RPS6KA6: variants seen among roughly 807,000 people sequenced by gnomAD.
RPS6KA6 encodes the protein ribosomal protein S6 kinase alpha-6.
RPS6KA6 carries 27 observed loss-of-function variants against 65.4 expected under a neutral mutation model. That is an observed-to-expected ratio of 0.41 (90% CI 0.30 to 0.57). RPS6KA6 has a LOEUF of 0.57. Ranked by LOEUF, RPS6KA6 falls within the 20% of genes least tolerant of loss-of-function variation. RPS6KA6 has a pLI of 0.24. For synonymous variants in RPS6KA6, 190 were observed against 184.2 expected, an observed-to-expected ratio of 1.03 and a Z score of -0.26; for missense variants, 486 against 555.6, an observed-to-expected ratio of 0.87 and a Z score of 1.26.
At chrX:84,086,152 A>G (rs1211073133) in intron 20 of RPS6KA6, among the ~76,000 whole-genome samples, 1 of 110,851 alleles carries the variant, frequency 9.0e-6, no homozygotes, top group Non-Finnish European at 1.9e-5. Context: ...TTGTGTCTCT[A>G]TATCCTTCAG....
intron 1 of RPS6KA6, among the ~76,000 whole-genome samples, chrX:84,169,404 T>A (rs1209826709): frequency 8.0e-5 from 8 of 99,828 alleles, no homozygotes; most frequent in Non-Finnish European, 6.2e-5. Flanking sequence ...AAGCAACTCA[T>A]CAAGGAAAAC....
chrX:84,094,407 C>T (rs1004044567), intron 20 of RPS6KA6, among the ~76,000 whole-genome samples: 2 of 108,356 alleles, frequency 1.8e-5, no homozygotes, highest in Admixed American at 1.0e-4. Flanking sequence ...CTTTGGGAGG[C>T]CGAGGCAGGC....
intron 8 of RPS6KA6, among the ~76,000 whole-genome samples, chrX:84,130,027 G>T (rs1292601551): frequency 9.0e-6 from 1 of 111,481 alleles, no homozygotes; most frequent in African/African-American, 3.3e-5. Flanking sequence ...AAGGATAAAT[G>T]CTTGAGGTGA....
At chrX:84,165,698 T>C in intron 1 of RPS6KA6, among the ~76,000 whole-genome samples, 1 of 111,351 alleles carries the variant, frequency 9.0e-6, no homozygotes, top group Admixed American at 9.6e-5. Context: ...CAAGCCCTGA[T>C]CAAGAGAAAA....
intron 20 of RPS6KA6, among the ~76,000 whole-genome samples, chrX:84,087,620 G>C (rs2033952739): frequency 9.0e-6 from 1 of 111,264 alleles, no homozygotes; most frequent in African/African-American, 3.3e-5. Flanking sequence ...TGGAGAATCT[G>C]ATGATTATGT....
At chrX:84,071,545 C>T (rs917234204) in intron 20 of RPS6KA6, among the ~76,000 whole-genome samples, 1 of 110,153 alleles carries the variant, frequency 9.1e-6, no homozygotes, top group Admixed American at 9.8e-5. Context: ...TTCAAGCATA[C>T]TTATAGGAAA....
intron 20 of RPS6KA6, among the ~76,000 whole-genome samples, chrX:84,074,510 G>C (rs943440722): frequency 5.4e-5 from 6 of 111,488 alleles, no homozygotes; most frequent in Non-Finnish European, 1.1e-4. Context: ...CTAAAAAAGA[G>C]GATTTTGAAT....
intron 1 of RPS6KA6, among the ~76,000 whole-genome samples, chrX:84,171,150 A>C (rs1030543357): frequency 9.0e-6 from 1 of 111,189 alleles, no homozygotes; most frequent in Non-Finnish European, 1.9e-5. Flanking sequence ...TCTATATAAC[A>C]ATGCAGAACA....
intron 1 of RPS6KA6, among the ~76,000 whole-genome samples, chrX:84,180,112 T>C (rs1166337478): frequency 9.0e-6 from 1 of 111,651 alleles, no homozygotes; most frequent in African/African-American, 3.2e-5. Context: ...TCTCCTTTGT[T>C]TTCTGAAGTT....
intron 2 of RPS6KA6, among the ~76,000 whole-genome samples, chrX:84,163,755 C>G (rs1182142414): frequency 9.1e-6 from 1 of 110,217 alleles, no homozygotes; most frequent in Non-Finnish European, 1.9e-5. Context: ...ATTCTCCCTA[C>G]AAATCTTAAG....
intron 7 of RPS6KA6, 32 bp from the exon 8 acceptor site, chrX:84,134,851 G>T (rs1369726795): frequency 9.9e-7 from 1 of 1,013,721 alleles, no homozygotes; most frequent in Admixed American, 3.0e-5. Flanking sequence ...CAACAAGATG[G>T]AATAAAATAT....
intron 19 of RPS6KA6, among the ~76,000 whole-genome samples, chrX:84,097,076 T>C (rs2034171434): frequency 9.0e-6 from 1 of 111,398 alleles, no homozygotes; most frequent in Admixed American, 9.6e-5. Flanking sequence ...ATTTAAACTA[T>C]ACTAAATGCA....
chrX:84,092,758 C>T (rs749357382), intron 20 of RPS6KA6, among the ~76,000 whole-genome samples: 22 of 111,589 alleles, frequency 2.0e-4, no homozygotes, highest in African/African-American at 7.2e-4. Context: ...CAAATTAGCA[C>T]AGCCATTATG....
At chrX:84,067,779 T>A (rs1174985544) in intron 20 of RPS6KA6, among the ~76,000 whole-genome samples, 1 of 111,139 alleles carries the variant, frequency 9.0e-6, no homozygotes, top group East Asian at 2.8e-4. Flanking sequence ...ACCACTAAGA[T>A]ACTCCTTGAG....
intron 1 of RPS6KA6, chrX:84,187,453 C>T: frequency 6.2e-6 from 1 of 161,173 alleles, no homozygotes. Context: ...TGTTCCCAGC[C>T]AGCAAACTAG....
At chrX:84,090,797 G>T (rs576523531) in intron 20 of RPS6KA6, among the ~76,000 whole-genome samples, 3 of 111,573 alleles carry the variant, frequency 2.7e-5, no homozygotes, top group African/African-American at 9.8e-5. Context: ...TTTTGAGTTT[G>T]GACACAGCCA....
At chrX:84,115,224 G>T (rs1195254276) in intron 12 of RPS6KA6, among the ~76,000 whole-genome samples, 1 of 111,267 alleles carries the variant, frequency 9.0e-6, no homozygotes, top group Admixed American at 9.6e-5. Context: ...CTAATATCGA[G>T]ATCTGCAAGG....
At chrX:84,157,017 T>C (rs950189287) in intron 2 of RPS6KA6, among the ~76,000 whole-genome samples, 1 of 112,229 alleles carries the variant, frequency 8.9e-6, no homozygotes, top group African/African-American at 3.2e-5. Context: ...TTAATCACAA[T>C]GTCTATAAAT....
intron 12 of RPS6KA6, 53 bp downstream of exon 12, chrX:84,116,176 T>C: frequency 1.5e-6 from 1 of 664,480 alleles, no homozygotes; most frequent in Non-Finnish European, 2.4e-6. Flanking sequence ...ATCTTTAATA[T>C]CCTGTGTTGG....
Sources: gnomAD v4.1 joint callset for allele counts (sites outside exome capture counted in the v4.1 genomes callset) on GRCh38, gnomAD v4.1.1 for gene constraint, MANE v1.5 for transcripts, NCBI Gene and HGNC (gene_info 2026-07-23, HGNC 2026-07-21) for gene names.